Variants in AP1G1 observed in about 807,000 individuals in gnomAD.
AP1G1 encodes the protein AP-1 complex subunit gamma-1.
AP1G1 carries 7 observed loss-of-function variants against 108.3 expected under a neutral mutation model. The observed-to-expected ratio is 0.06, with a 90% CI of 0.04 to 0.12. AP1G1 has a LOEUF of 0.12. Among genes scored for constraint, AP1G1 ranks in the 10% least tolerant of loss-of-function variants. The pLI, the probability that AP1G1 is intolerant of heterozygous loss-of-function variation, is 1.00. For missense variants in AP1G1, 756 were observed against 1,010.7 expected (o/e 0.75, Z 3.42); for synonymous variants, 379 against 353.5 (o/e 1.07, Z -0.81).
chr16:71,785,272 A>G (rs1282835600), intron 2 of AP1G1, among the ~76,000 whole-genome samples: 2 of 152,098 alleles, frequency 1.3e-5, no homozygotes, highest in Non-Finnish European at 2.9e-5. Context: ...TTTAAAACAT[A>G]TTTAAAAGTC....
intron 12 of AP1G1, among the ~76,000 whole-genome samples, chr16:71,755,111 C>G (rs2030710887): frequency 6.6e-6 from 1 of 152,176 alleles, no homozygotes; most frequent in Admixed American, 6.5e-5. Flanking sequence ...GGTGCTGTAA[C>G]TGTTCTATTG....
At chr16:71,778,093 T>C (rs2031859904) in intron 2 of AP1G1, among the ~76,000 whole-genome samples, 1 of 151,858 alleles carries the variant, frequency 6.6e-6, no homozygotes. Flanking sequence ...AGAGAAGAAG[T>C]GGAAAAACAA....
At chr16:71,767,650 G>C (rs1371940674) in intron 6 of AP1G1, among the ~76,000 whole-genome samples, 1 of 152,190 alleles carries the variant, frequency 6.6e-6, no homozygotes, top group Non-Finnish European at 1.5e-5. Flanking sequence ...TTACAACTCA[G>C]GAAAGGCTGC....
intron 2 of AP1G1, among the ~76,000 whole-genome samples, chr16:71,787,212 G>A (rs530144615): frequency 2.1e-3 from 316 of 151,632 alleles, no homozygotes; most frequent in Non-Finnish European, 3.1e-3. Context: ...CCAGCTACTC[G>A]GGAGGCTGAG....
intron 1 of AP1G1, among the ~76,000 whole-genome samples, chr16:71,794,018 C>T (rs370025884): frequency 6.6e-6 from 1 of 152,280 alleles, no homozygotes; most frequent in South Asian, 2.1e-4. Flanking sequence ...GCACCTGGAC[C>T]ATAATGTGGT....
chr16:71,749,796 A>C, intron 15 of AP1G1, 98 bp downstream of exon 15: 1 of 1,050,338 alleles, frequency 9.5e-7, no homozygotes, highest in Non-Finnish European at 1.5e-6. Flanking sequence ...TGGCCTAAAA[A>C]GTTTTCAAGG....
At chr16:71,784,747 C>T (rs2032141138) in intron 2 of AP1G1, among the ~76,000 whole-genome samples, 2 of 151,630 alleles carry the variant, frequency 1.3e-5, no homozygotes, top group Non-Finnish European at 2.9e-5. Context: ...TTAGTAGAGA[C>T]AGAGTTTCAC....
intron 18 of AP1G1, 80 bp from the exon 19 acceptor site, chr16:71,745,350 T>C (rs2030118097): frequency 1.9e-6 from 3 of 1,599,478 alleles, no homozygotes; most frequent in East Asian, 2.2e-5. Flanking sequence ...TTTCAATATG[T>C]AAAAATAAGG....
chr16:71,735,131 T>G (rs2045517268), intron 21 of AP1G1, among the ~76,000 whole-genome samples: 1 of 152,180 alleles, frequency 6.6e-6, no homozygotes, highest in Admixed American at 6.5e-5. Context: ...ACCAACATAC[T>G]GGTCACCAAC....
intron 21 of AP1G1, among the ~76,000 whole-genome samples, chr16:71,736,117 A>AAAAAAAAAAAAAAATATATATATAT (rs1555550846): frequency 1.4e-5 from 1 of 71,622 alleles, no homozygotes; most frequent in African/African-American, 6.2e-5. Context: ...AAAAAAAAAA[A>AAAAAAAAAAAAAAATATATATATAT]ATATATATAT....
intron 8 of AP1G1, 52 bp downstream of exon 8, chr16:71,764,594 A>G: frequency 7.1e-7 from 1 of 1,399,568 alleles, no homozygotes; most frequent in Non-Finnish European, 9.7e-7. Flanking sequence ...TAATCATTCT[A>G]CTCCCAGCGA....
chr16:71,794,835 C>CTTTTCTTTTTTTTTTTTTTTTTTT (rs2032522793), intron 1 of AP1G1, among the ~76,000 whole-genome samples: 2 of 39,630 alleles, frequency 5.0e-5, no homozygotes, highest in African/African-American at 2.1e-4. Context: ...ATGAGAAGTG[C>CTTTTCTTTTTTTTTTTTTTTTTTT]TTTTTTTTTT....
At chr16:71,794,166 C>A (rs986897704) in intron 1 of AP1G1, among the ~76,000 whole-genome samples, 2 of 152,194 alleles carry the variant, frequency 1.3e-5, no homozygotes, top group Non-Finnish European at 2.9e-5. Context: ...AGTTCAGATA[C>A]CATCTGCCCT....
intron 2 of AP1G1, among the ~76,000 whole-genome samples, chr16:71,789,032 A>C (rs1156275236): frequency 6.6e-6 from 1 of 152,200 alleles, no homozygotes; most frequent in Non-Finnish European, 1.5e-5. Context: ...TCAATCTTTA[A>C]GCAAGCTAGC....
rs1279472229 is a variant in AP1G1, at chr16:71,750,201, A to C, written c.1407+9T>G. 6.2e-7 allele frequency: 1 copy of C among 1,611,628 alleles called. No individual in the cohort carries two copies. Among genetic ancestry groups the C allele is most frequent in the Admixed American group, 1.7e-5 (1 of 59,444 alleles). On this transcript the variant is annotated intron_variant, in intron 14 of 22. Transcript: ENST00000299980. ...ATTACCCCCTAAAATAGTTGAATGA[A>C]GTACTTACTTGAGAATAATCACCAA... is the stretch of plus-strand genomic sequence containing the variant.
At chr16:71,790,910 A>G (rs1191088437) in intron 1 of AP1G1, among the ~76,000 whole-genome samples, 2 of 152,164 alleles carry the variant, frequency 1.3e-5, no homozygotes, top group African/African-American at 4.8e-5. Context: ...TGCTCTCCAA[A>G]GGACATCATT....
At chr16:71,794,218 A>ATTT (rs2032501303) in intron 1 of AP1G1, among the ~76,000 whole-genome samples, 1 of 152,252 alleles carries the variant, frequency 6.6e-6, no homozygotes, top group African/African-American at 2.4e-5. Context: ...TGAGAAAGGT[A>ATTT]TGTTAAAGTC....
At chr16:71,807,586 A>G (rs1297309535) in intron 1 of AP1G1, among the ~76,000 whole-genome samples, 1 of 152,244 alleles carries the variant, frequency 6.6e-6, no homozygotes, top group African/African-American at 2.4e-5. Context: ...TAGGTATTTG[A>G]CAAGTATTCT....
chr16:71,794,920 A>C (rs758666009), intron 1 of AP1G1, among the ~76,000 whole-genome samples: 1 of 131,318 alleles, frequency 7.6e-6, no homozygotes, highest in Non-Finnish European at 1.5e-5. Flanking sequence ...CTAGATCTTC[A>C]TTTGCCTTGT....
Sources: allele counts gnomAD v4.1 joint callset (sites outside exome capture counted in the v4.1 genomes callset), GRCh38; gene constraint gnomAD v4.1.1; transcripts MANE v1.5; gene names NCBI Gene and HGNC (gene_info 2026-07-23, HGNC 2026-07-21).